Variants in PHEX observed in about 807,000 individuals in gnomAD.
PHEX encodes phosphate regulating endopeptidase X-linked.
A neutral mutation model predicts 68.0 loss-of-function variants in PHEX; 16 were observed. The ratio of observed to expected loss-of-function variants is 0.24; its 90% CI spans 0.16 to 0.36. PHEX has a LOEUF of 0.36. Ranked by LOEUF, PHEX falls within the 10% of genes least tolerant of loss-of-function variation. The pLI is 1.00. For missense variants in PHEX, 480 were observed against 575.5 expected (o/e 0.83, Z 1.70); for synonymous variants, 208 against 205.1 (o/e 1.01, Z -0.12).
chrX:22,064,002 T>C (rs1435037155), intron 3 of PHEX, among the ~76,000 whole-genome samples: 1 of 112,515 alleles, frequency 8.9e-6, no homozygotes, highest in African/African-American at 3.2e-5. Flanking sequence ...AAATCAAAAA[T>C]ATTGTCAACT....
chrX:22,033,582 T>G (rs1926894100), intron 1 of PHEX, among the ~76,000 whole-genome samples: 1 of 112,506 alleles, frequency 8.9e-6, no homozygotes, highest in Non-Finnish European at 1.9e-5. Flanking sequence ...AAAACACAAA[T>G]CAGTCCTTTA....
intron 5 of PHEX, among the ~76,000 whole-genome samples, chrX:22,078,348 C>G (rs781370448): frequency 2.4e-3 from 264 of 111,876 alleles, no homozygotes; most frequent in Non-Finnish European, 4.5e-3. Context: ...AAAGACTCAC[C>G]AATGAAAGAG....
At chrX:22,135,531 TG>T (rs1239867698) in intron 12 of PHEX, among the ~76,000 whole-genome samples, 1 of 111,151 alleles carries the variant, frequency 9.0e-6, no homozygotes, top group African/African-American at 3.3e-5. Flanking sequence ...TAATGTGTTA[TG>T]AATAGCTGGA....
intron 3 of PHEX, among the ~76,000 whole-genome samples, chrX:22,060,803 G>A (rs1179636659): frequency 1.8e-5 from 2 of 111,635 alleles, no homozygotes; most frequent in Non-Finnish European, 3.8e-5. Context: ...TGAGAAAGAC[G>A]TATACACCCA....
intron 20 of PHEX, among the ~76,000 whole-genome samples, chrX:22,241,504 G>C (rs1331691237): frequency 9.0e-6 from 1 of 110,635 alleles, no homozygotes; most frequent in Admixed American, 9.6e-5. Context: ...TTTTCAAAAA[G>C]ATCAACAAAA....
chrX:22,086,265 G>A (rs999914883), intron 5 of PHEX, among the ~76,000 whole-genome samples: 4 of 111,825 alleles, frequency 3.6e-5, no homozygotes, highest in Non-Finnish European at 7.5e-5. Flanking sequence ...TCCTTTGGCC[G>A]AGTTACGGAG....
intron 19 of PHEX, among the ~76,000 whole-genome samples, chrX:22,227,188 T>G (rs1297502628): frequency 8.9e-6 from 1 of 112,621 alleles, no homozygotes; most frequent in Non-Finnish European, 1.9e-5. Context: ...CAAAATGTAT[T>G]GCCATAGGGG....
At chrX:22,110,435 C>A (rs1930910429) in intron 9 of PHEX, among the ~76,000 whole-genome samples, 1 of 111,551 alleles carries the variant, frequency 9.0e-6, no homozygotes. Flanking sequence ...TAGACATATT[C>A]TTTTTTTTAT....
intron 21 of PHEX, among the ~76,000 whole-genome samples, chrX:22,247,573 T>C (rs1936427666): frequency 8.9e-6 from 1 of 112,482 alleles, no homozygotes; most frequent in South Asian, 3.7e-4. Flanking sequence ...TTTTAAAAAG[T>C]TAGAAAAACT....
intron 13 of PHEX, among the ~76,000 whole-genome samples, chrX:22,174,506 A>AT (rs1280759886): frequency 9.0e-6 from 1 of 111,718 alleles, no homozygotes; most frequent in Non-Finnish European, 1.9e-5. Context: ...CACTGATATT[A>AT]TTTTTTAAAA....
chrX:22,223,438 A>G (rs1258119768), intron 18 of PHEX, among the ~76,000 whole-genome samples: 1 of 111,715 alleles, frequency 9.0e-6, no homozygotes, highest in African/African-American at 3.3e-5. Context: ...AAGGCTCTAA[A>G]TTAGATATAA....
intron 15 of PHEX, among the ~76,000 whole-genome samples, chrX:22,202,994 A>C (rs1479121517): frequency 9.0e-6 from 1 of 111,267 alleles, no homozygotes; most frequent in Non-Finnish European, 1.9e-5. Context: ...TAACCACCAA[A>C]CTTCTGCAAG....
At chrX:22,219,385 A>G (rs1172245177) in intron 17 of PHEX, among the ~76,000 whole-genome samples, 1 of 112,075 alleles carries the variant, frequency 8.9e-6, no homozygotes, top group African/African-American at 3.2e-5. Flanking sequence ...TAGCTGCCAC[A>G]ATAGTTACAG....
At chrX:22,157,418 G>T (rs1932985298) in intron 12 of PHEX, among the ~76,000 whole-genome samples, 1 of 112,529 alleles carries the variant, frequency 8.9e-6, no homozygotes, top group African/African-American at 3.2e-5. Context: ...TGGGTGTGTT[G>T]TTTTATTAAT....
intron 9 of PHEX, among the ~76,000 whole-genome samples, chrX:22,102,742 G>A (rs891091759): frequency 8.0e-5 from 9 of 112,536 alleles, no homozygotes; most frequent in Non-Finnish European, 1.9e-5. Context: ...CTGCAAGGCA[G>A]GGGGCTAGAG....
intron 11 of PHEX, among the ~76,000 whole-genome samples, chrX:22,121,318 C>T (rs181380177): frequency 1.8e-5 from 2 of 111,660 alleles, no homozygotes; most frequent in Non-Finnish European, 3.8e-5. Flanking sequence ...GGAGACATCA[C>T]GAGCAGGGAA....
chrX:22,220,827 C>T (rs1359593634), intron 17 of PHEX, among the ~76,000 whole-genome samples: 2 of 112,107 alleles, frequency 1.8e-5, no homozygotes, highest in African/African-American at 3.2e-5. Flanking sequence ...TTTTTGTAAG[C>T]TCTCTGTATA....
Position 22,248,759 on chromosome X carries a change from TC to T in PHEX, c.*808del, listed in dbSNP as rs1936464316. The T allele has an allele frequency of 8.9e-6, 1 of 112,181 alleles. No homozygotes were observed. The highest frequency in any genetic ancestry group is 3.2e-5 in the African/African-American group (1 of 30,827). The allele number at this position is 112,181 out of a possible 1,213,427, so 9.2% of individuals were successfully genotyped here. ...AGGAGATGAAATCTCCAAAATTTTG[TC>T]CAGTCTGTATGAACTGCAGTGATTG... On this transcript the variant is annotated 3_prime_UTR_variant, in exon 22 of 22. Coordinates refer to ENST00000379374, the MANE Select transcript of PHEX (RefSeq NM_000444.6).
At chrX:22,156,585 TACAGAGCCCTGTGAGTGAG>T (rs1932959592) in intron 12 of PHEX, among the ~76,000 whole-genome samples, 1 of 110,412 alleles carries the variant, frequency 9.1e-6, no homozygotes, top group Non-Finnish European at 1.9e-5. Context: ...TGACCTCTGA[TACAGAGCCCTGTGAGTGAG>T]ACAGAGACAA....
Sources: allele counts gnomAD v4.1 joint callset (sites outside exome capture counted in the v4.1 genomes callset), GRCh38; gene constraint gnomAD v4.1.1; transcripts MANE v1.5; gene names NCBI Gene and HGNC (gene_info 2026-07-23, HGNC 2026-07-21).